Variants in SSBP3 observed in about 807,000 individuals in gnomAD.
The protein encoded by SSBP3 is single stranded DNA binding protein 3.
In SSBP3, 5 loss-of-function variants were observed where a neutral mutation model predicts 69.6. That is an observed-to-expected ratio of 0.07 (90% CI 0.04 to 0.15). The LOEUF (loss-of-function observed/expected upper bound fraction) is 0.15. Ranked by LOEUF, SSBP3 falls within the 10% of genes least tolerant of loss-of-function variation. SSBP3 has a pLI of 1.00. For synonymous variants in SSBP3, 196 were observed against 193.4 expected, an observed-to-expected ratio of 1.01 and a Z score of -0.11; for missense variants, 312 against 534.0, an observed-to-expected ratio of 0.58 and a Z score of 4.10.
intron 4 of SSBP3, among the ~76,000 whole-genome samples, chr1:54,287,906 G>A (rs1043261113): frequency 1.3e-5 from 2 of 152,166 alleles, no homozygotes; most frequent in African/African-American, 4.8e-5. Flanking sequence ...GTTGCTACGT[G>A]AAGAGGCAGA....
chr1:54,250,424 T>G (rs1445232221), intron 9 of SSBP3, among the ~76,000 whole-genome samples: 1 of 151,186 alleles, frequency 6.6e-6, no homozygotes, highest in African/African-American at 2.4e-5. Context: ...TGGGGCGGAT[T>G]CTGGGATGGA....
intron 9 of SSBP3, among the ~76,000 whole-genome samples, chr1:54,250,936 CG>C (rs768687468): frequency 2.0e-5 from 3 of 152,166 alleles, no homozygotes; most frequent in Non-Finnish European, 4.4e-5. Flanking sequence ...TTGTTGTGAC[CG>C]TAAGAGGTAT....
At chr1:54,357,221 G>A (rs1646882963) in intron 4 of SSBP3, among the ~76,000 whole-genome samples, 1 of 152,124 alleles carries the variant, frequency 6.6e-6, no homozygotes, top group Non-Finnish European at 1.5e-5. Context: ...AGGCAACCTG[G>A]GACGCTAATT....
chr1:54,260,975 C>T (rs1570289727), intron 5 of SSBP3, among the ~76,000 whole-genome samples: 1 of 152,246 alleles, frequency 6.6e-6, no homozygotes, highest in Non-Finnish European at 1.5e-5. Context: ...GAAGCGCTGA[C>T]AGGCTCTGCC....
chr1:54,229,285 G>C (rs189167723), intron 14 of SSBP3, among the ~76,000 whole-genome samples: 2 of 152,252 alleles, frequency 1.3e-5, no homozygotes, highest in African/African-American at 4.8e-5. Context: ...CGCTTTGCTT[G>C]AGGTCCCAGA....
At chr1:54,266,745 A>C (rs1212894413) in intron 5 of SSBP3, among the ~76,000 whole-genome samples, 1 of 151,738 alleles carries the variant, frequency 6.6e-6, no homozygotes, top group African/African-American at 2.4e-5. Context: ...CCAAGATGTT[A>C]TGCCCCTGAG....
chr1:54,411,198 A>G (rs1411804568), upstream of SSBP3, among the ~76,000 whole-genome samples: 1 of 152,110 alleles, frequency 6.6e-6, no homozygotes, highest in East Asian at 1.9e-4. Flanking sequence ...TAAGCATTTG[A>G]GCTAGGCACG....
At chr1:54,293,196 G>A (rs968892739) in intron 4 of SSBP3, among the ~76,000 whole-genome samples, 1 of 152,160 alleles carries the variant, frequency 6.6e-6, no homozygotes, top group Non-Finnish European at 1.5e-5. Flanking sequence ...GGTGCACACA[G>A]CAGGGCTTTC....
chr1:54,343,519 G>C (rs1311863324), intron 4 of SSBP3, among the ~76,000 whole-genome samples: 2 of 152,218 alleles, frequency 1.3e-5, no homozygotes, highest in African/African-American at 4.8e-5. Context: ...AGCTGTCCAG[G>C]CCACCCAGTG....
intron 4 of SSBP3, among the ~76,000 whole-genome samples, chr1:54,374,606 A>C (rs929346199): frequency 1.3e-5 from 2 of 152,190 alleles, no homozygotes; most frequent in Non-Finnish European, 2.9e-5. Context: ...CAAGGTGAAG[A>C]AGCAAGTCAA....
intron 5 of SSBP3, among the ~76,000 whole-genome samples, chr1:54,261,040 C>T (rs1276264064): frequency 3.3e-5 from 5 of 152,244 alleles, no homozygotes; most frequent in East Asian, 1.9e-4. Context: ...GGGCCACCCA[C>T]GTCCACATCC....
intron 4 of SSBP3, among the ~76,000 whole-genome samples, chr1:54,395,764 T>C (rs886317976): frequency 6.6e-6 from 1 of 152,086 alleles, no homozygotes; most frequent in Admixed American, 6.5e-5. Context: ...AAGTGGAGAC[T>C]AGAATTCACA....
In SSBP3 at chr1:54,239,726, A is replaced by G. The variant is rs556112598; in HGVS notation, c.857-527T>C. 1.2e-4 allele frequency among the ~76,000 whole-genome samples: 18 copies of G among 152,312 alleles called. No homozygotes were observed. In the South Asian group the frequency reaches 3.5e-3, roughly 30 times the overall value. On this transcript the variant is annotated intron_variant, in intron 13 of 17. Transcript: ENST00000610401. ...AGTCGGAATGTAGGTCATGCAGCTC[A>G]TCAAAATGCAGCAGCAGAAAGAGAG... is the stretch of plus-strand genomic sequence containing the variant.
intron 4 of SSBP3, among the ~76,000 whole-genome samples, chr1:54,392,911 A>G (rs1366907565): frequency 6.6e-6 from 1 of 152,226 alleles, no homozygotes; most frequent in African/African-American, 2.4e-5. Context: ...TCCTGGGGAA[A>G]AAACAGAAGA....
chr1:54,249,607 G>C (rs1450261183), intron 9 of SSBP3, among the ~76,000 whole-genome samples: 1 of 151,888 alleles, frequency 6.6e-6, no homozygotes, highest in Non-Finnish European at 1.5e-5. Flanking sequence ...AGGATGTGGT[G>C]AGCAGAGATG....
intron 4 of SSBP3, among the ~76,000 whole-genome samples, chr1:54,365,291 G>A (rs1647011359): frequency 6.6e-6 from 1 of 152,160 alleles, no homozygotes; most frequent in African/African-American, 2.4e-5. Context: ...CCACAGGTAC[G>A]ACAGGGTGAG....
chr1:54,290,117 C>T (rs1645577205), intron 4 of SSBP3, among the ~76,000 whole-genome samples: 1 of 152,234 alleles, frequency 6.6e-6, no homozygotes, highest in Non-Finnish European at 1.5e-5. Flanking sequence ...CTCTTGGCCA[C>T]ACCTCAGCTT....
intron 5 of SSBP3, among the ~76,000 whole-genome samples, chr1:54,274,024 G>A (rs1645241974): frequency 6.6e-6 from 1 of 152,210 alleles, no homozygotes; most frequent in African/African-American, 2.4e-5. Context: ...GAGCTGGAGG[G>A]GGTGGTGCTT....
In SSBP3 at chr1:54,258,386, C is replaced by T. The variant is rs1397560688; in HGVS notation, c.367-237G>A. 2.0e-5 allele frequency among the ~76,000 whole-genome samples: 3 copies of T among 152,096 alleles called. No individual in the cohort carries two copies. The highest frequency in any genetic ancestry group is 4.4e-5 in the Non-Finnish European group (3 of 67,984). ...ATACATTCACAGGGGGTTGAAAGAA[C>T]AAAAAATGAAGCACCTCTGTCAAAG... On this transcript the variant is annotated intron_variant, in intron 5 of 17. Transcript: ENST00000610401. This position sits in a 1 kb window ranked among gnomAD's most constrained non-coding sequence, Gnocchi z 4.5.
Sources: allele counts gnomAD v4.1 joint callset (sites outside exome capture counted in the v4.1 genomes callset), GRCh38; gene constraint gnomAD v4.1.1; non-coding constraint Gnocchi (gnomAD v3.1); transcripts MANE v1.5; gene names NCBI Gene and HGNC (gene_info 2026-07-23, HGNC 2026-07-21).